Variants in CELF2 observed in about 807,000 individuals in gnomAD.
CELF2 encodes CUG triplet repeat RNA-binding protein 2.
CELF2 carries 8 observed loss-of-function variants against 62.6 expected under a neutral mutation model. That is an observed-to-expected ratio of 0.13 (90% CI 0.07 to 0.23). CELF2 has a LOEUF of 0.23. Ranked by LOEUF, CELF2 falls within the 10% of genes least tolerant of loss-of-function variation. The pLI is 1.00. For synonymous variants in CELF2, 258 were observed against 250.0 expected (o/e 1.03, Z -0.30); for missense variants, 333 against 671.0 (o/e 0.50, Z 5.56).
At chr10:10,651,382 G>C in the CELF2 span, among the ~76,000 whole-genome samples, 1 of 147,522 alleles carries the variant, frequency 6.8e-6, no homozygotes, top group African/African-American at 2.5e-5. Flanking sequence ...GCTCAAGGAG[G>C]CCTGCCTGCC....
Position 11,266,756 on chromosome 10 carries a change from T to C in CELF2, c.618+79T>C. 11 of 1,137,322 alleles carry C rather than the reference T, an allele frequency of 9.7e-6. 1 individual carries two copies. The highest frequency in any genetic ancestry group is 1.4e-5 in the Non-Finnish European group (11 of 764,622). 70.5% of individuals were successfully genotyped at this position (1,137,322 alleles called of 1,614,324 possible). On this transcript the variant is annotated intron_variant, in intron 6 of 12. Transcript: ENST00000633077. ...GTAAAGCAATTCTCTCCTGTGTGGA[T>C]TGTTCACATGACAATCACAGATGTA...
At chr10:11,171,955 A>G (rs1242326138) in intron 2 of CELF2, among the ~76,000 whole-genome samples, 2 of 152,216 alleles carry the variant, frequency 1.3e-5, no homozygotes, top group South Asian at 2.1e-4. Context: ...TCCTAAAAAC[A>G]TGTCCGAAAG....
the CELF2 span, among the ~76,000 whole-genome samples, chr10:10,694,118 G>T: frequency 2.0e-5 from 3 of 149,754 alleles, no homozygotes; most frequent in African/African-American, 7.5e-5. Flanking sequence ...TGTCAATTTT[G>T]GATCTTTCCT....
the CELF2 span, among the ~76,000 whole-genome samples, chr10:10,755,525 T>C: frequency 1.1e-4 from 17 of 152,234 alleles, no homozygotes; most frequent in Non-Finnish European, 2.4e-4. Flanking sequence ...CTGCGTCTGC[T>C]GCTTCCTCCT....
chr10:11,284,774 T>A (rs551896201), intron 8 of CELF2, among the ~76,000 whole-genome samples: 1 of 141,204 alleles, frequency 7.1e-6, no homozygotes, highest in East Asian at 2.1e-4. Flanking sequence ...GATATGTGGG[T>A]GGATGGATGG....
chr10:11,228,632 GCATTAGCC>G (rs796858485), intron 3 of CELF2, among the ~76,000 whole-genome samples: 7 of 150,922 alleles, frequency 4.6e-5, no homozygotes, highest in African/African-American at 1.7e-4. Flanking sequence ...AGGTGTGGAA[GCATTAGCC>G]TAGATTTTGA....
chr10:10,774,394 C>A, the CELF2 span, among the ~76,000 whole-genome samples: 1 of 152,176 alleles, frequency 6.6e-6, no homozygotes, highest in Non-Finnish European at 1.5e-5. Flanking sequence ...CAGTTGTAAT[C>A]CCCCATGCTG....
At position 11,098,517 on chromosome 10, in the gene CELF2, A is replaced by G. The variant is rs1250862421; in HGVS notation, c.75-66969A>G. 6.6e-6 allele frequency: 1 copy of G among 152,262 alleles called. No homozygotes were observed. Among genetic ancestry groups the G allele is most frequent in the Non-Finnish European group, 1.5e-5 (1 of 68,080 alleles). 9.4% of individuals were successfully genotyped at this position (152,262 alleles called of 1,614,324 possible). A position where few individuals can be genotyped will look rare whatever the true frequency, so the allele number is the denominator to read the frequency against. On this transcript the variant is annotated intron_variant, in intron 1 of 12. Transcript: ENST00000633077. This position sits in a 1 kb window ranked among gnomAD's most constrained non-coding sequence, Gnocchi z 4.0. ...AGAGGAAAGGGCAGTTAGGGAAGAA[A>G]TGAGGGAAAAAATGGATGAGGAAGA...
intron 2 of CELF2, among the ~76,000 whole-genome samples, chr10:10,935,978 C>T (rs943835567): frequency 8.0e-5 from 12 of 150,010 alleles, no homozygotes; most frequent in African/African-American, 2.2e-4. Context: ...GTGGTGAAAC[C>T]GCATCTCTAC....
chr10:10,834,378 A>G (rs890190746), intron 1 of CELF2, among the ~76,000 whole-genome samples: 8 of 152,144 alleles, frequency 5.3e-5, no homozygotes, highest in Admixed American at 3.3e-4. Context: ...TAACACCTGG[A>G]TGATGAAATA....
chr10:10,897,605 G>A (rs888936326), intron 1 of CELF2, among the ~76,000 whole-genome samples: 45 of 152,306 alleles, frequency 3.0e-4, no homozygotes, highest in African/African-American at 1.1e-3. Context: ...TGAGGCCTGT[G>A]ACTCATGGAC....
At chr10:10,904,185 T>C (rs1398628533) in intron 1 of CELF2, among the ~76,000 whole-genome samples, 1 of 152,156 alleles carries the variant, frequency 6.6e-6, no homozygotes, top group East Asian at 1.9e-4. Context: ...TGTATCTTAT[T>C]ATTTTTATCA....
chr10:10,572,725 T>C, the CELF2 span, among the ~76,000 whole-genome samples: 6 of 152,224 alleles, frequency 3.9e-5, no homozygotes, highest in Non-Finnish European at 8.8e-5. Context: ...CCATGGTGTA[T>C]ATGTACCATA....
intron 1 of CELF2, among the ~76,000 whole-genome samples, chr10:11,129,064 T>C (rs2059197974): frequency 6.6e-6 from 1 of 152,198 alleles, no homozygotes; most frequent in Admixed American, 6.5e-5. Context: ...CAATACCTAG[T>C]GTATTGAGAG....
chr10:11,119,901 T>C, intron 1 of CELF2, among the ~76,000 whole-genome samples: 1 of 138,436 alleles, frequency 7.2e-6, no homozygotes. Flanking sequence ...TTTATTGACA[T>C]ATTATTTGCA....
At chr10:11,279,217 A>G (rs1444821919) in intron 8 of CELF2, among the ~76,000 whole-genome samples, 3 of 152,180 alleles carry the variant, frequency 2.0e-5, no homozygotes, top group African/African-American at 4.8e-5. Flanking sequence ...CTTCGTTTCA[A>G]TTCTGATTCT....
chr10:10,993,944 G>C lies in CELF2; in HGVS notation c.89+73945G>C, dbSNP rs547734150. The stretch of plus-strand genomic sequence containing the variant: ...AGAGATGTGCAGGCATAGGGAGAAG[G>C]CTCCAAGGAGAGGAGCCTCATGAGA... On this transcript the variant is annotated intron_variant, in intron 2 of 13. Coordinates refer to the CELF2 transcript ENST00000636488. The surrounding 1 kb of genome is among the most constrained non-coding windows in gnomAD (Gnocchi z 5.3). Among the ~76,000 whole-genome samples the C allele has an allele frequency of 1.1e-4, 16 of 152,318 alleles. No individual in the cohort carries two copies. In the South Asian group the frequency reaches 2.5e-3, roughly 24 times the overall value.
the CELF2 span, among the ~76,000 whole-genome samples, chr10:10,486,524 A>T: frequency 1.3e-5 from 2 of 152,140 alleles, no homozygotes; most frequent in Admixed American, 6.6e-5. Context: ...GTATCTCAAA[A>T]GCTTGGGACC....
the CELF2 span, among the ~76,000 whole-genome samples, chr10:10,579,971 CAA>C: frequency 6.6e-6 from 1 of 151,922 alleles, no homozygotes; most frequent in Non-Finnish European, 1.5e-5. Flanking sequence ...GAACCGATAA[CAA>C]AGAGTGTGAG....
Sources: allele counts gnomAD v4.1 joint callset (sites outside exome capture counted in the v4.1 genomes callset), GRCh38; gene constraint gnomAD v4.1.1; non-coding constraint Gnocchi (gnomAD v3.1); transcripts MANE v1.5; gene names NCBI Gene and HGNC (gene_info 2026-07-23, HGNC 2026-07-21).